The following ITPR2 variants were observed in gnomAD, a reference collection of about 807,000 sequenced individuals.
ITPR2 encodes inositol 1,4,5-trisphosphate-gated calcium channel ITPR2.
In ITPR2, 207 loss-of-function variants were observed where a neutral mutation model predicts 317.1. The observed-to-expected ratio is 0.65, with a 90% confidence interval of 0.58 to 0.73. The LOEUF (loss-of-function observed/expected upper bound fraction) is 0.73. ITPR2 is among the 30% of genes least tolerant of loss of function. The probability of loss-of-function intolerance (pLI) is 0.00; values close to 1 mark genes in which losing one functional copy is unlikely to be tolerated. For missense variants in ITPR2, 2,613 were observed against 3,284.0 expected (o/e 0.80, Z 4.99); for synonymous variants, 1,156 against 1,149.1 (o/e 1.01, Z -0.12).
intron 39 of ITPR2, among the ~76,000 whole-genome samples, chr12:26,492,284 G>A (rs1283814450): frequency 1.3e-5 from 2 of 152,164 alleles, no homozygotes; most frequent in African/African-American, 4.8e-5. Context: ...TTTATAAGTA[G>A]AAGGTGCAGT....
chr12:26,622,855 G>C (rs954666073), intron 24 of ITPR2, among the ~76,000 whole-genome samples: 6 of 152,184 alleles, frequency 3.9e-5, no homozygotes, highest in African/African-American at 1.4e-4. Flanking sequence ...GCACCAGAGT[G>C]GCCACAGGTG....
chr12:26,830,229 T>C (rs1951079321), intron 1 of ITPR2, among the ~76,000 whole-genome samples: 1 of 152,220 alleles, frequency 6.6e-6, no homozygotes, highest in Admixed American at 6.5e-5. Context: ...TAAAGACCCT[T>C]CTTCACCTTA....
chr12:26,357,167 G>C (rs1591959168), intron 55 of ITPR2, among the ~76,000 whole-genome samples: 1 of 152,100 alleles, frequency 6.6e-6, no homozygotes, highest in South Asian at 2.1e-4. Context: ...ATGGCGTTGG[G>C]GGAAGGGGGT....
chr12:26,541,587 T>C (rs1944263226), intron 37 of ITPR2, among the ~76,000 whole-genome samples: 1 of 152,236 alleles, frequency 6.6e-6, no homozygotes, highest in South Asian at 2.1e-4. Context: ...AGCATTTCTA[T>C]TTAAATTCAT....
intron 25 of ITPR2, 80 bp downstream of exon 25, chr12:26,622,160 G>A (rs1176484216): frequency 7.7e-7 from 1 of 1,304,200 alleles, no homozygotes; most frequent in Non-Finnish European, 1.1e-6. Flanking sequence ...CATTACCTCT[G>A]CAGCCATGAA....
At chr12:26,550,868 C>T (rs1039523597) in intron 36 of ITPR2, among the ~76,000 whole-genome samples, 1 of 152,046 alleles carries the variant, frequency 6.6e-6, no homozygotes, top group Non-Finnish European at 1.5e-5. Flanking sequence ...TAGGAACAAG[C>T]AGTTTTTGTA....
intron 45 of ITPR2, 47 bp from the exon 46 acceptor site, chr12:26,443,697 C>T (rs1463376513): frequency 1.4e-6 from 2 of 1,469,008 alleles, no homozygotes; most frequent in African/African-American, 1.4e-5. Context: ...TTTCCCCTTT[C>T]CTAGGGTCAA....
chr12:26,381,646 TCAA>T (rs1258591879), intron 55 of ITPR2, among the ~76,000 whole-genome samples: 1 of 152,214 alleles, frequency 6.6e-6, no homozygotes, highest in African/African-American at 2.4e-5. Flanking sequence ...ATTGTCTTCA[TCAA>T]CACTGCTGCA....
At chr12:26,602,293 AT>A in intron 28 of ITPR2, 76 bp downstream of exon 28, 1 of 1,496,890 alleles carries the variant, frequency 6.7e-7, no homozygotes, top group Non-Finnish European at 9.0e-7. Flanking sequence ...GAAAGAAAAA[AT>A]TTCTTGGAAC....
chr12:26,821,039 A>C (rs373967280), intron 1 of ITPR2, among the ~76,000 whole-genome samples: 1 of 152,236 alleles, frequency 6.6e-6, no homozygotes. Flanking sequence ...AGTAAAAAAA[A>C]GTTCTGGAAA....
rs890577686 is a variant in ITPR2 at position 26,744,256 on chromosome 12, G to A, written c.164-18491C>T. Among the ~76,000 whole-genome samples, 6 of 152,296 alleles carry A rather than the reference G, an allele frequency of 3.9e-5. No individual in the cohort carries two copies. In the East Asian group the frequency reaches 5.8e-4, roughly 15 times the overall value. ...TTCTGCCACTCCTAGTGACCAGCCCGACCTCCCCACCACTACCTGGCCACT... is the reference window on the plus strand; with the variant it reads ...TTCTGCCACTCCTAGTGACCAGCCCAACCTCCCCACCACTACCTGGCCACT... On this transcript the variant is annotated intron_variant, in intron 2 of 56. Transcript: ENST00000381340.
At chr12:26,502,090 T>C (rs569782070) in intron 37 of ITPR2, among the ~76,000 whole-genome samples, 92 of 152,284 alleles carry the variant, frequency 6.0e-4, no homozygotes, top group African/African-American at 1.9e-3. Context: ...ACTCCATAGA[T>C]AGCAAGGAAT....
At chr12:26,546,308 A>G (rs1565594484) in intron 37 of ITPR2, among the ~76,000 whole-genome samples, 1 of 152,092 alleles carries the variant, frequency 6.6e-6, no homozygotes, top group Non-Finnish European at 1.5e-5. Context: ...GTCATACTGT[A>G]TGTTTGTGGC....
chr12:26,755,142 T>C (rs1440561314), intron 2 of ITPR2, among the ~76,000 whole-genome samples: 4 of 152,214 alleles, frequency 2.6e-5, no homozygotes, highest in African/African-American at 9.6e-5. Flanking sequence ...TTAATAATTG[T>C]TACATAAAAT....
chr12:26,722,253 G>A (rs929342643), intron 5 of ITPR2, 144 bp downstream of exon 5: 8 of 573,306 alleles, frequency 1.4e-5, no homozygotes, highest in African/African-American at 1.1e-4. Flanking sequence ...AAATAAACAT[G>A]TTTAACCTAG....
chr12:26,594,300 TAA>T (rs72149099), intron 32 of ITPR2, among the ~76,000 whole-genome samples: 15,065 of 151,858 alleles, frequency 0.099, 825 homozygotes, highest in Middle Eastern at 0.15. Context: ...CCTGGCTAAA[TAA>T]AAAGAGTCCG....
chr12:26,472,509 C>T (rs183377258), intron 45 of ITPR2, among the ~76,000 whole-genome samples: 26 of 151,924 alleles, frequency 1.7e-4, no homozygotes, highest in Non-Finnish European at 3.2e-4. Flanking sequence ...AAAACAACTT[C>T]GATATATCCA....
chr12:26,615,061 G>A (rs1946346037), intron 26 of ITPR2, among the ~76,000 whole-genome samples: 1 of 152,114 alleles, frequency 6.6e-6, no homozygotes, highest in African/African-American at 2.4e-5. Flanking sequence ...GGACTATATG[G>A]GAACTCTATG....
At chr12:26,648,088 A>C (rs1212987902) in intron 21 of ITPR2, among the ~76,000 whole-genome samples, 1 of 152,202 alleles carries the variant, frequency 6.6e-6, no homozygotes, top group Non-Finnish European at 1.5e-5. Flanking sequence ...CCAAGGATGC[A>C]GAAGAAAAAA....
Sources: gnomAD v4.1 joint callset for allele counts (sites outside exome capture counted in the v4.1 genomes callset) on GRCh38, gnomAD v4.1.1 for gene constraint, MANE v1.5 for transcripts, NCBI Gene and HGNC (gene_info 2026-07-23, HGNC 2026-07-21) for gene names.